TENM3: variants seen among roughly 807,000 people sequenced by gnomAD.
The protein encoded by TENM3 is teneurin-3.
A neutral mutation model predicts 255.1 loss-of-function variants in TENM3; 63 were observed. The ratio of observed to expected loss-of-function variants is 0.25; its 90% CI spans 0.20 to 0.30. The LOEUF (loss-of-function observed/expected upper bound fraction) is 0.30, where lower values mean the gene tolerates loss of function less well. TENM3 is among the 10% of genes least tolerant of loss of function. The pLI, the probability that TENM3 is intolerant of heterozygous loss-of-function variation, is 1.00. For synonymous variants in TENM3, 1,306 were observed against 1,322.3 expected (o/e 0.99, Z 0.27); for missense variants, 2,929 against 3,461.1 (o/e 0.85, Z 3.86).
At chr4:182,266,404 T>A (rs1338003714) in intron 1 of TENM3, among the ~76,000 whole-genome samples, 1 of 152,094 alleles carries the variant, frequency 6.6e-6, no homozygotes, top group East Asian at 1.9e-4. Context: ...TGTAAGAGAG[T>A]GTGTGTGAAC....
chr4:182,462,041 T>G (rs553713495), intron 3 of TENM3, among the ~76,000 whole-genome samples: 1 of 151,508 alleles, frequency 6.6e-6, no homozygotes, highest in Non-Finnish European at 1.5e-5. Context: ...CCTCATATCT[T>G]ACATACTCAT....
At chr4:182,747,214 T>C (rs929533289) in intron 19 of TENM3, among the ~76,000 whole-genome samples, 2 of 152,238 alleles carry the variant, frequency 1.3e-5, no homozygotes, top group Admixed American at 1.3e-4. Flanking sequence ...GCAAACTTTT[T>C]ATCCTCTTCT....
At chr4:182,741,866 T>C (rs946996272) in intron 18 of TENM3, among the ~76,000 whole-genome samples, 1 of 152,230 alleles carries the variant, frequency 6.6e-6, no homozygotes, top group Non-Finnish European at 1.5e-5. Flanking sequence ...TGCTGAGTTA[T>C]AAGGAGAACA....
chr4:182,539,015 G>A (rs559747107), intron 3 of TENM3, among the ~76,000 whole-genome samples: 38 of 151,946 alleles, frequency 2.5e-4, no homozygotes, highest in African/African-American at 8.2e-4. Context: ...TATGGATATC[G>A]GTGTTATAAA....
chr4:182,444,088 T>G (rs1012402937), intron 3 of TENM3, among the ~76,000 whole-genome samples: 1 of 152,234 alleles, frequency 6.6e-6, no homozygotes, highest in Non-Finnish European at 1.5e-5. Flanking sequence ...ACTAGCCTTT[T>G]AGATTTACTG....
intron 1 of TENM3, among the ~76,000 whole-genome samples, chr4:182,200,182 G>A (rs779362459): frequency 3.9e-5 from 6 of 152,136 alleles, no homozygotes; most frequent in Admixed American, 6.5e-5. Flanking sequence ...GAAAATATCC[G>A]TGTTTCTTGC....
At chr4:182,572,783 T>C (rs1744527571) in intron 3 of TENM3, among the ~76,000 whole-genome samples, 1 of 152,230 alleles carries the variant, frequency 6.6e-6, no homozygotes, top group Non-Finnish European at 1.5e-5. Context: ...ACGTACCAAC[T>C]CATATTCATT....
At chr4:181,848,082 C>T in the TENM3 span, among the ~76,000 whole-genome samples, 1 of 152,102 alleles carries the variant, frequency 6.6e-6, no homozygotes, top group Non-Finnish European at 1.5e-5. Context: ...TTGCATTGCG[C>T]CCTTTATCTA....
chr4:181,917,984 C>A, the TENM3 span, among the ~76,000 whole-genome samples: 1 of 152,106 alleles, frequency 6.6e-6, no homozygotes, highest in African/African-American at 2.4e-5. Context: ...TTCTAACCAA[C>A]TCCTTAATTT....
At chr4:182,076,260 GT>G in the TENM3 span, among the ~76,000 whole-genome samples, 5 of 141,860 alleles carry the variant, frequency 3.5e-5, no homozygotes, top group African/African-American at 1.3e-4. Context: ...CTGTTGCCAG[GT>G]TGGCATGATC....
At chr4:181,664,172 G>A in the TENM3 span, among the ~76,000 whole-genome samples, 1 of 152,122 alleles carries the variant, frequency 6.6e-6, no homozygotes, top group Non-Finnish European at 1.5e-5. Context: ...AAGGGGATAA[G>A]AATGGAACCT....
chr4:182,761,748 T>A (rs1763217943), intron 22 of TENM3, among the ~76,000 whole-genome samples: 1 of 152,206 alleles, frequency 6.6e-6, no homozygotes, highest in African/African-American at 2.4e-5. Flanking sequence ...TATCAGCAGA[T>A]CACTTAAAAT....
intron 3 of TENM3, among the ~76,000 whole-genome samples, chr4:182,555,774 T>G (rs1742523719): frequency 6.6e-6 from 1 of 152,190 alleles, no homozygotes; most frequent in South Asian, 2.1e-4. Context: ...AAAATATGCT[T>G]TTTTAAATTT....
At chr4:182,241,474 T>C (rs1757248256), upstream of TENM3, among the ~76,000 whole-genome samples, 1 of 151,862 alleles carries the variant, frequency 6.6e-6, no homozygotes, top group Non-Finnish European at 1.5e-5. Flanking sequence ...TTTTTCCACA[T>C]TCTCCTATCT....
rs186876618 is a variant in TENM3 at position 182,576,805 on chromosome 4, G to A, written c.512-24119G>A. Among the ~76,000 whole-genome samples, 3 of 152,304 alleles carry A rather than the reference G, an allele frequency of 2.0e-5. No individual in the cohort carries two copies. In the East Asian group the frequency reaches 5.8e-4, roughly 29 times the overall value. ...ACATACACACAGCCTCCACACTGCT[G>A]TTAGGGTAGTCGTCATAAAATGTGT... On this transcript the variant is annotated intron_variant, in intron 3 of 27. Coordinates refer to ENST00000511685, the MANE Select transcript of TENM3 (RefSeq NM_001080477.4).
chr4:182,268,942 A>C (rs567667176), intron 1 of TENM3, among the ~76,000 whole-genome samples: 3 of 152,256 alleles, frequency 2.0e-5, no homozygotes, highest in Admixed American at 6.5e-5. Context: ...TTGGACTGTG[A>C]ACTTGCCCTG....
chr4:182,046,761 A>G, the TENM3 span, among the ~76,000 whole-genome samples: 1 of 152,148 alleles, frequency 6.6e-6, no homozygotes, highest in East Asian at 1.9e-4. Flanking sequence ...ACCTTTGTAT[A>G]TAACACAATA....
chr4:181,544,085 T>C, the TENM3 span, among the ~76,000 whole-genome samples: 1 of 152,156 alleles, frequency 6.6e-6, no homozygotes, highest in Non-Finnish European at 1.5e-5. Flanking sequence ...ATTGAGAAGA[T>C]TAGTTCATTA....
At chr4:182,172,515 G>A (rs1364438038) in intron 1 of TENM3, among the ~76,000 whole-genome samples, 1 of 152,104 alleles carries the variant, frequency 6.6e-6, no homozygotes, top group East Asian at 1.9e-4. Context: ...ATAAGATTTT[G>A]TGAACCAAAT....
Sources: gnomAD v4.1 joint callset for allele counts (sites outside exome capture counted in the v4.1 genomes callset) on GRCh38, gnomAD v4.1.1 for gene constraint, MANE v1.5 for transcripts, NCBI Gene and HGNC (gene_info 2026-07-23, HGNC 2026-07-21) for gene names.